Variants in C1QTNF3 observed in about 807,000 individuals in gnomAD.
The protein encoded by C1QTNF3 is C1q and TNF related 3.
C1QTNF3 carries 26 observed loss-of-function variants against 32.6 expected under a neutral mutation model. The observed-to-expected ratio is 0.80, with a 90% CI of 0.58 to 1.11. C1QTNF3 has a LOEUF of 1.11. Ranked by LOEUF, C1QTNF3 falls within the 50% of genes least tolerant of loss-of-function variation. The pLI, the probability that C1QTNF3 is intolerant of heterozygous loss-of-function variation, is 0.00. For synonymous variants in C1QTNF3, 155 were observed against 146.0 expected, an observed-to-expected ratio of 1.06 and a Z score of -0.44; for missense variants, 362 against 398.2, an observed-to-expected ratio of 0.91 and a Z score of 0.77.
At chr5:34,108,414 A>C in the C1QTNF3 span, among the ~76,000 whole-genome samples, 1 of 152,166 alleles carries the variant, frequency 6.6e-6, no homozygotes, top group Non-Finnish European at 1.5e-5. Flanking sequence ...CTGAAAATCC[A>C]AGTCCACCTT....
At chr5:34,207,466 G>A in the C1QTNF3 span, among the ~76,000 whole-genome samples, 1 of 151,970 alleles carries the variant, frequency 6.6e-6, no homozygotes, top group African/African-American at 2.4e-5. Context: ...AAATTTTGTG[G>A]TTGTTCACTT....
chr5:34,074,683 C>T, the C1QTNF3 span, among the ~76,000 whole-genome samples: 1 of 151,644 alleles, frequency 6.6e-6, no homozygotes, highest in African/African-American at 2.4e-5. Flanking sequence ...ACATGCTGGA[C>T]ATTCTTTCTT....
the C1QTNF3 span, among the ~76,000 whole-genome samples, chr5:34,206,607 AAGCTATGT>A: frequency 7.0e-6 from 1 of 142,350 alleles, no homozygotes; most frequent in Admixed American, 7.2e-5. Flanking sequence ...GAAATGGACA[AAGCTATGT>A]AGCTAGAATC....
At chr5:34,141,894 A>G in the C1QTNF3 span, among the ~76,000 whole-genome samples, 1 of 152,070 alleles carries the variant, frequency 6.6e-6, no homozygotes, top group African/African-American at 2.4e-5. Context: ...GATCTGGAGA[A>G]TGGAGCCACC....
At chr5:34,213,173 AACGTTT>A in the C1QTNF3 span, among the ~76,000 whole-genome samples, 9 of 152,150 alleles carry the variant, frequency 5.9e-5, no homozygotes, top group Non-Finnish European at 8.8e-5. Context: ...GCCACATAAC[AACGTTT>A]ACATCAATAA....
chr5:34,124,544 T>A, the C1QTNF3 span: 1 of 669,076 alleles, frequency 1.5e-6, no homozygotes. Context: ...AACAATGAGA[T>A]CTTGTGAGAA....
In C1QTNF3 at chr5:34,019,596, C is replaced by T. The variant is rs1333449657; in HGVS notation, c.*987G>A. 6.6e-6 allele frequency: 1 copy of T among 152,224 alleles called. No homozygotes were observed. The highest frequency in any genetic ancestry group is 1.5e-5 in the Non-Finnish European group (1 of 68,038). The allele number at this position is 152,224 out of a possible 1,614,324, so 9.4% of individuals were successfully genotyped here. Reference sequence around the variant, plus strand: ...GTGCCCAAGTCACCTATTCACATGGCTGTTCACATCATCTGCATGAAAATA... The same window carrying T: ...GTGCCCAAGTCACCTATTCACATGGTTGTTCACATCATCTGCATGAAAATA... On this transcript the variant is annotated 3_prime_UTR_variant, in exon 6 of 6. Coordinates refer to ENST00000382065, the MANE Select transcript of C1QTNF3 (RefSeq NM_181435.6).
At chr5:34,139,900 T>G in the C1QTNF3 span, among the ~76,000 whole-genome samples, 2 of 152,208 alleles carry the variant, frequency 1.3e-5, no homozygotes, top group South Asian at 2.1e-4. Context: ...ATCACGTAGG[T>G]GCTTACACTT....
At chr5:34,095,259 T>C in the C1QTNF3 span, among the ~76,000 whole-genome samples, 1 of 151,976 alleles carries the variant, frequency 6.6e-6, no homozygotes. Context: ...ATTCCTAATG[T>C]AAGATAAATC....
At chr5:34,067,837 T>A in the C1QTNF3 span, among the ~76,000 whole-genome samples, 1 of 152,210 alleles carries the variant, frequency 6.6e-6, no homozygotes, top group Non-Finnish European at 1.5e-5. Context: ...GTTTACTGTT[T>A]TATTTTTGTA....
chr5:34,170,458 G>T, the C1QTNF3 span, among the ~76,000 whole-genome samples: 1 of 152,046 alleles, frequency 6.6e-6, no homozygotes, highest in Admixed American at 6.6e-5. Context: ...CACATAAGGG[G>T]TTTAAAATAA....
rs1233806672 is a variant in C1QTNF3 at position 34,035,046 on chromosome 5, GC to G, written c.415+600del. Among the ~76,000 whole-genome samples, 3 of 152,254 alleles carry G rather than the reference GC, an allele frequency of 2.0e-5. No homozygotes were observed. In the East Asian group the frequency reaches 5.8e-4, roughly 29 times the overall value. ...AATAAAACCCAAGATAGGCTTGGGA[GC>G]CCCATATTGAGGAGACCTGGGCTAC... On this transcript the variant is annotated intron_variant, in intron 2 of 5. Coordinates refer to ENST00000382065, the MANE Select transcript of C1QTNF3 (RefSeq NM_181435.6).
rs1430918139 is a variant in C1QTNF3 at position 34,019,828 on chromosome 5, C to A, written c.*755G>T. The A allele has an allele frequency of 6.6e-6, 1 of 152,162 alleles. No individual in the cohort carries two copies. 9.4% of individuals were successfully genotyped at this position (152,162 alleles called of 1,614,324 possible). ...AGTGTATGTTCTTCAGATATAAAATCCCTCTGGTCAACATGCAACATTTGA... is the reference window on the plus strand; with the variant it reads ...AGTGTATGTTCTTCAGATATAAAATACCTCTGGTCAACATGCAACATTTGA... On this transcript the variant is annotated 3_prime_UTR_variant, in exon 6 of 6. Transcript: ENST00000382065.
the C1QTNF3 span, among the ~76,000 whole-genome samples, chr5:34,239,651 T>C: frequency 1.3e-5 from 2 of 152,018 alleles, no homozygotes; most frequent in Non-Finnish European, 2.9e-5. Flanking sequence ...CAAGTTCTTT[T>C]TGGACTACAA....
the C1QTNF3 span, among the ~76,000 whole-genome samples, chr5:34,208,745 T>A: frequency 6.6e-6 from 1 of 152,206 alleles, no homozygotes; most frequent in Non-Finnish European, 1.5e-5. Flanking sequence ...ATGATGATAT[T>A]TAGATATTAC....
At chr5:34,153,871 A>C in the C1QTNF3 span, among the ~76,000 whole-genome samples, 59 of 150,492 alleles carry the variant, frequency 3.9e-4, no homozygotes, top group Non-Finnish European at 7.0e-4. Flanking sequence ...AAAAAAAAAA[A>C]AAAACAAAAG....
the C1QTNF3 span, among the ~76,000 whole-genome samples, chr5:34,136,807 T>C: frequency 6.6e-6 from 1 of 152,234 alleles, no homozygotes. Flanking sequence ...CACCATGGAA[T>C]ACTATGCAGC....
At chr5:34,203,821 G>GA in the C1QTNF3 span, among the ~76,000 whole-genome samples, 1 of 151,470 alleles carries the variant, frequency 6.6e-6, no homozygotes, top group Non-Finnish European at 1.5e-5. Context: ...GTAAATGGGT[G>GA]AAAAAAGATA....
At chr5:34,111,296 C>T in the C1QTNF3 span, among the ~76,000 whole-genome samples, 9,265 of 151,754 alleles carry the variant, frequency 0.061, 828 homozygotes, top group African/African-American at 0.2. Flanking sequence ...CATCAGATCC[C>T]ACATTTCTGG....
Sources: allele counts gnomAD v4.1 joint callset (sites outside exome capture counted in the v4.1 genomes callset), GRCh38; gene constraint gnomAD v4.1.1; transcripts MANE v1.5; gene names NCBI Gene and HGNC (gene_info 2026-07-23, HGNC 2026-07-21).